The following TLE1 variants were observed in gnomAD, a reference collection of about 807,000 sequenced individuals.
The protein encoded by TLE1 is TLE family member 1, transcriptional corepressor, also known as transducin-like enhancer protein 1.
In TLE1, 21 loss-of-function variants were observed where a neutral mutation model predicts 89.8. That is an observed-to-expected ratio of 0.23 (90% CI 0.17 to 0.34). The LOEUF (loss-of-function observed/expected upper bound fraction) is 0.34. Ranked by LOEUF, TLE1 falls within the 10% of genes least tolerant of loss-of-function variation. The probability of loss-of-function intolerance (pLI) is 1.00; values close to 1 mark genes in which losing one functional copy is unlikely to be tolerated. For missense variants in TLE1, 795 were observed against 1,031.2 expected, an observed-to-expected ratio of 0.77 and a Z score of 3.14; for synonymous variants, 447 against 407.6, an observed-to-expected ratio of 1.10 and a Z score of -1.16.
intron 14 of TLE1, among the ~76,000 whole-genome samples, chr9:81,609,065 C>A (rs1256213363): frequency 1.3e-5 from 2 of 152,028 alleles, no homozygotes; most frequent in Non-Finnish European, 2.9e-5. Context: ...CCCTCCCCTC[C>A]CCTTTCCTCT....
At chr9:81,674,947 G>A (rs1348548715) in intron 4 of TLE1, among the ~76,000 whole-genome samples, 1 of 152,012 alleles carries the variant, frequency 6.6e-6, no homozygotes, top group African/African-American at 2.4e-5. Flanking sequence ...TTGAGTCCAG[G>A]AATTCGAGAC....
intron 6 of TLE1, among the ~76,000 whole-genome samples, chr9:81,646,797 T>C (rs568956011): frequency 6.6e-6 from 1 of 152,200 alleles, no homozygotes; most frequent in Non-Finnish European, 1.5e-5. Flanking sequence ...CACAAAAACA[T>C]CTAGTCAGAC....
rs182706354 is a variant in TLE1, at chr9:81,646,166, A to G, written c.372+6048T>C. ...GGAAAGAAATATGTGGGGAAATTAAAAAGTAAATGCTTCAACACTTTTCTA... is the reference window on the plus strand; with the variant it reads ...GGAAAGAAATATGTGGGGAAATTAAGAAGTAAATGCTTCAACACTTTTCTA... On this transcript the variant is annotated intron_variant, in intron 6 of 19. Transcript: ENST00000376499. 1.3e-3 allele frequency among the ~76,000 whole-genome samples: 200 copies of G among 152,354 alleles called. 1 individual carries two copies. The highest frequency in any genetic ancestry group is 4.5e-3 in the African/African-American group (188 of 41,582).
chr9:81,628,550 C>G (rs1165754335), intron 8 of TLE1, among the ~76,000 whole-genome samples: 1 of 152,102 alleles, frequency 6.6e-6, no homozygotes, highest in Non-Finnish European at 1.5e-5. Flanking sequence ...ATGGGTGGTC[C>G]TAACTAGGAT....
At chr9:81,633,441 G>A (rs1008546912) in intron 7 of TLE1, 77 bp from the exon 8 acceptor site, 61 of 1,608,604 alleles carry the variant, frequency 3.8e-5, no homozygotes, top group Admixed American at 5.0e-5. Context: ...AAAAAAAAGG[G>A]GGGAATAATT....
intron 8 of TLE1, among the ~76,000 whole-genome samples, chr9:81,629,438 A>T (rs1268912747): frequency 6.6e-6 from 1 of 152,360 alleles, no homozygotes; most frequent in South Asian, 2.1e-4. Flanking sequence ...CAAAATTTTA[A>T]AACAGCCAAA....
chr9:81,657,717 G>A (rs1325407049), intron 4 of TLE1, among the ~76,000 whole-genome samples: 1 of 151,962 alleles, frequency 6.6e-6, no homozygotes, highest in South Asian at 2.1e-4. Flanking sequence ...CAAAATCTAA[G>A]GATGCTCAAG....
At chr9:81,671,409 G>C (rs1029145611) in intron 4 of TLE1, among the ~76,000 whole-genome samples, 4 of 151,954 alleles carry the variant, frequency 2.6e-5, no homozygotes, top group African/African-American at 9.7e-5. Flanking sequence ...CACTTTGGGA[G>C]GCCAAGGTGG....
At chr9:81,685,996 G>A (rs1564088967) in intron 2 of TLE1, 100 bp from the exon 3 acceptor site, 2 of 1,300,108 alleles carry the variant, frequency 1.5e-6, no homozygotes, top group East Asian at 2.4e-5. Flanking sequence ...AGACCAATTT[G>A]GAAAAGCCAT....
chr9:81,680,867 A>G (rs937079097), intron 4 of TLE1, among the ~76,000 whole-genome samples: 7 of 142,186 alleles, frequency 4.9e-5, no homozygotes, highest in African/African-American at 1.6e-4. Context: ...CCTGTGTGAG[A>G]TGTTGACTTA....
chr9:81,687,467 G>A (rs1219054194), intron 1 of TLE1, 33 bp from the exon 2 acceptor site: 3 of 1,536,548 alleles, frequency 2.0e-6, no homozygotes, highest in Admixed American at 1.8e-5. Context: ...ACCGAGGGAC[G>A]GGAATGCGGG....
rs78632358 is a variant in TLE1, at chr9:81,588,724, A to G, written c.1830-896T>C. 3.4e-3 allele frequency among the ~76,000 whole-genome samples: 512 copies of G among 152,250 alleles called. 1 individual carries two copies. Among genetic ancestry groups the G allele is most frequent in the African/African-American group, 0.012 (491 of 41,556 alleles). On this transcript the variant is annotated intron_variant, in intron 16 of 19. Coordinates refer to ENST00000376499, the MANE Select transcript of TLE1 (RefSeq NM_005077.5). ...CTGGTGGACTCAGTTCTGCATGCTGAGAGGAAGGTGGTGGGGGAGGCAGCC... is the reference window on the plus strand; with the variant it reads ...CTGGTGGACTCAGTTCTGCATGCTGGGAGGAAGGTGGTGGGGGAGGCAGCC...
chr9:81,657,722 C>CT (rs1830309003), intron 4 of TLE1, among the ~76,000 whole-genome samples: 1 of 152,122 alleles, frequency 6.6e-6, no homozygotes, highest in Admixed American at 6.6e-5. Flanking sequence ...TCTAAGGATG[C>CT]TCAAGTCCTT....
chr9:81,654,757 C>T (rs1829961391), intron 4 of TLE1, among the ~76,000 whole-genome samples: 1 of 152,174 alleles, frequency 6.6e-6, no homozygotes, highest in African/African-American at 2.4e-5. Flanking sequence ...GTCCACCTTT[C>T]AAAGATGAGG....
At chr9:81,663,281 T>TA (rs1831046038) in intron 4 of TLE1, among the ~76,000 whole-genome samples, 1 of 152,188 alleles carries the variant, frequency 6.6e-6, no homozygotes, top group African/African-American at 2.4e-5. Context: ...CCAGCCCTCT[T>TA]ACGATCCTCA....
At chr9:81,641,165 T>G (rs1253184351) in intron 6 of TLE1, among the ~76,000 whole-genome samples, 1 of 152,128 alleles carries the variant, frequency 6.6e-6, no homozygotes, top group Non-Finnish European at 1.5e-5. Flanking sequence ...GCTATTTCCC[T>G]GTTCTTTAAA....
intron 8 of TLE1, among the ~76,000 whole-genome samples, chr9:81,622,261 G>T (rs1376478595): frequency 6.6e-6 from 1 of 152,134 alleles, no homozygotes; most frequent in African/African-American, 2.4e-5. Flanking sequence ...TCCACGGCAG[G>T]GCTGTATCTT....
intron 15 of TLE1, among the ~76,000 whole-genome samples, chr9:81,592,313 C>A (rs1470043356): frequency 1.3e-5 from 2 of 152,158 alleles, no homozygotes; most frequent in Non-Finnish European, 2.9e-5. Context: ...AGCCGAGATC[C>A]GGCCACTGCA....
intron 8 of TLE1, among the ~76,000 whole-genome samples, chr9:81,632,285 C>T (rs1347926863): frequency 2.0e-5 from 3 of 152,056 alleles, no homozygotes; most frequent in Non-Finnish European, 4.4e-5. Flanking sequence ...AAACTAGCTA[C>T]CCTTTCCTTC....
Sources: allele counts gnomAD v4.1 joint callset (sites outside exome capture counted in the v4.1 genomes callset), GRCh38; gene constraint gnomAD v4.1.1; transcripts MANE v1.5; gene names NCBI Gene and HGNC (gene_info 2026-07-23, HGNC 2026-07-21).